Variants in SASH1 observed in about 807,000 individuals in gnomAD.
SASH1 encodes the protein SAM and SH3 domain-containing protein 1.
A neutral mutation model predicts 125.2 loss-of-function variants in SASH1; 44 were observed. That is an observed-to-expected ratio of 0.35 (90% confidence interval 0.28 to 0.45). The LOEUF (loss-of-function observed/expected upper bound fraction) is 0.45, where lower values mean the gene tolerates loss of function less well. Ranked by LOEUF, SASH1 falls within the 20% of genes least tolerant of loss-of-function variation. SASH1 has a pLI of 1.00. For synonymous variants in SASH1, 639 were observed against 649.1 expected (o/e 0.98, Z 0.24); for missense variants, 1,426 against 1,614.5 (o/e 0.88, Z 2.00).
At chr6:148,512,589 C>CA in intron 8 of SASH1, 1 of 985,152 alleles carries the variant, frequency 1.0e-6, no homozygotes, top group Non-Finnish European at 1.2e-6. Flanking sequence ...TCAAACCAGA[C>CA]AAAACCATTT....
chr6:148,297,077 T>A (rs1334000600), intron 1 of SASH1, among the ~76,000 whole-genome samples: 1 of 152,244 alleles, frequency 6.6e-6, no homozygotes, highest in African/African-American at 2.4e-5. Context: ...ACAGGACTGC[T>A]GCTCTTCCAG....
At chr6:148,491,457 A>G (rs1256641006) in intron 8 of SASH1, among the ~76,000 whole-genome samples, 2 of 152,110 alleles carry the variant, frequency 1.3e-5, no homozygotes, top group Non-Finnish European at 2.9e-5. Context: ...TTTAGTAGAG[A>G]TGGGGTTTCA....
chr6:148,510,380 A>G (rs1408331053), intron 8 of SASH1, among the ~76,000 whole-genome samples: 1 of 152,208 alleles, frequency 6.6e-6, no homozygotes, highest in Non-Finnish European at 1.5e-5. Flanking sequence ...CTCACTGAGA[A>G]GATGATCTGT....
intron 1 of SASH1, among the ~76,000 whole-genome samples, chr6:148,381,063 T>C (rs1360966257): frequency 6.6e-6 from 1 of 152,198 alleles, no homozygotes; most frequent in Non-Finnish European, 1.5e-5. Flanking sequence ...GTTGACAGCT[T>C]TCCTCAGTTT....
chr6:148,391,753 C>T (rs960851707), intron 2 of SASH1, among the ~76,000 whole-genome samples: 3 of 152,086 alleles, frequency 2.0e-5, no homozygotes, highest in Admixed American at 6.5e-5. Context: ...ATCATAAAAG[C>T]GTCTGCATTT....
At chr6:148,516,034 C>T (rs957513) in intron 9 of SASH1, among the ~76,000 whole-genome samples, 33,872 of 152,104 alleles carry the variant, frequency 0.22, 3,920 homozygotes, top group Non-Finnish European at 0.24. Context: ...GTAATTTGCA[C>T]ATTTATTTCA....
At chr6:148,328,009 G>C (rs1468465514) in intron 1 of SASH1, among the ~76,000 whole-genome samples, 1 of 151,724 alleles carries the variant, frequency 6.6e-6, no homozygotes, top group Admixed American at 6.6e-5. Flanking sequence ...GCAAATTAGA[G>C]AATTATACGT....
At chr6:148,230,354 T>G in the SASH1 span, among the ~76,000 whole-genome samples, 1 of 152,182 alleles carries the variant, frequency 6.6e-6, no homozygotes, top group South Asian at 2.1e-4. Flanking sequence ...CTTTTCTTTT[T>G]TTTTTCAGAA....
intron 1 of SASH1, among the ~76,000 whole-genome samples, chr6:148,298,340 C>T (rs568416332): frequency 1.3e-3 from 191 of 152,102 alleles, no homozygotes; most frequent in Middle Eastern, 6.8e-3. Flanking sequence ...GTGGCAATTT[C>T]TCACTTTAAT....
At chr6:148,448,046 T>G (rs1252739529) in intron 4 of SASH1, among the ~76,000 whole-genome samples, 1 of 152,004 alleles carries the variant, frequency 6.6e-6, no homozygotes, top group Non-Finnish European at 1.5e-5. Flanking sequence ...TCCACAGACT[T>G]GAGGTGAAGT....
At chr6:148,289,433 A>G (rs993947241) in intron 1 of SASH1, among the ~76,000 whole-genome samples, 3 of 151,968 alleles carry the variant, frequency 2.0e-5, no homozygotes, top group Non-Finnish European at 4.4e-5. Context: ...TTTTGTCACT[A>G]TTTTCTTTTC....
chr6:148,505,914 G>C (rs962155810), intron 8 of SASH1, among the ~76,000 whole-genome samples: 5 of 152,074 alleles, frequency 3.3e-5, no homozygotes, highest in African/African-American at 9.6e-5. Flanking sequence ...GGGATTACAG[G>C]TGTGAGCCAC....
At chr6:148,530,877 AAG>A (rs1358716563) in intron 12 of SASH1, among the ~76,000 whole-genome samples, 4 of 152,222 alleles carry the variant, frequency 2.6e-5, no homozygotes, top group African/African-American at 9.6e-5. Flanking sequence ...TCTGGTGTGA[AAG>A]AGATTTCCCA....
At chr6:148,269,503 C>G (rs1321993276), upstream of SASH1, among the ~76,000 whole-genome samples, 1 of 152,208 alleles carries the variant, frequency 6.6e-6, no homozygotes, top group Non-Finnish European at 1.5e-5. Flanking sequence ...CCTCTCACCT[C>G]AGCCTCGCAA....
At chr6:148,203,603 GAAT>G in the SASH1 span, among the ~76,000 whole-genome samples, 1 of 152,146 alleles carries the variant, frequency 6.6e-6, no homozygotes, top group African/African-American at 2.4e-5. Context: ...TTATGTTTTG[GAAT>G]AATAATATTT....
chr6:148,319,808 C>T (rs1780592741), intron 1 of SASH1, among the ~76,000 whole-genome samples: 1 of 152,178 alleles, frequency 6.6e-6, no homozygotes, highest in Non-Finnish European at 1.5e-5. Context: ...GCCACCGCAC[C>T]CGGCCCGATG....
chr6:148,202,538 A>G, the SASH1 span, among the ~76,000 whole-genome samples: 236 of 152,390 alleles, frequency 1.5e-3, no homozygotes, highest in Admixed American at 2.6e-3. Context: ...TTGGAAGGCA[A>G]TGACCAAGGC....
At chr6:148,230,193 G>A in the SASH1 span, among the ~76,000 whole-genome samples, 2 of 152,120 alleles carry the variant, frequency 1.3e-5, no homozygotes, top group East Asian at 1.9e-4. Context: ...ATTCTTTCAC[G>A]CACCACAATT....
chr6:148,487,112 C>CATATATATAT (rs370037960), intron 7 of SASH1, among the ~76,000 whole-genome samples: 2 of 120,660 alleles, frequency 1.7e-5, no homozygotes, highest in East Asian at 2.3e-4. Context: ...CACACACACA[C>CATATATATAT]ATATATATAT....
Sources: gnomAD v4.1 joint callset for allele counts (sites outside exome capture counted in the v4.1 genomes callset) on GRCh38, gnomAD v4.1.1 for gene constraint, MANE v1.5 for transcripts, NCBI Gene and HGNC (gene_info 2026-07-23, HGNC 2026-07-21) for gene names.